The following EFCAB11 variants were observed in gnomAD, a reference collection of about 807,000 sequenced individuals.
The protein encoded by EFCAB11 is EF-hand calcium-binding domain-containing protein 11.
A neutral mutation model predicts 23.0 loss-of-function variants in EFCAB11; 14 were observed. The observed-to-expected ratio is 0.61, with a 90% CI of 0.40 to 0.95. EFCAB11 has a LOEUF of 0.95. Ranked by LOEUF, EFCAB11 falls within the 40% of genes least tolerant of loss-of-function variation. The pLI is 0.00. For synonymous variants in EFCAB11, 65 were observed against 66.6 expected (o/e 0.98, Z 0.11); for missense variants, 198 against 195.8 (o/e 1.01, Z -0.07).
chr14:89,909,519 T>C (rs556869819), intron 5 of EFCAB11, among the ~76,000 whole-genome samples: 18 of 152,038 alleles, frequency 1.2e-4, no homozygotes, highest in Non-Finnish European at 2.4e-4. Context: ...GGGCGGACGT[T>C]GCAGTGAGCT....
intron 5 of EFCAB11, chr14:89,923,778 G>C (rs1890094633): frequency 1.0e-6 from 1 of 985,246 alleles, no homozygotes; most frequent in Admixed American, 6.1e-5. Flanking sequence ...ACAAAATAAT[G>C]ACTGGAAATT....
chr14:89,798,872 C>T (rs188980939), intron 5 of EFCAB11, among the ~76,000 whole-genome samples: 10 of 152,284 alleles, frequency 6.6e-5, no homozygotes, highest in South Asian at 2.1e-4. Flanking sequence ...CTGCGACCTC[C>T]GCCTCTCCGG....
At chr14:89,852,880 C>T (rs2140141085) in intron 5 of EFCAB11, among the ~76,000 whole-genome samples, 1 of 152,314 alleles carries the variant, frequency 6.6e-6, no homozygotes, top group Non-Finnish European at 1.5e-5. Context: ...CAGAACTCTC[C>T]TCATCTTGGA....
At position 89,863,456 on chromosome 14, in the gene EFCAB11, C is replaced by T. The variant is rs535397020; in HGVS notation, c.411-66132G>A. ...TCCCTTTCCTTGCCAACATCTGAGC[C>T]TCTCCCATCCTCTGCAGGCTTTCTC... On this transcript the variant is annotated intron_variant, in intron 5 of 5. Coordinates refer to ENST00000316738, the MANE Select transcript of EFCAB11 (RefSeq NM_145231.4). Among the ~76,000 whole-genome samples the T allele has an allele frequency of 4.6e-5, 7 of 152,360 alleles. No individual in the cohort carries two copies. The South Asian group carries it at 1.4e-3, about 32-fold the overall frequency.
chr14:89,886,985 T>G (rs1445322284), intron 5 of EFCAB11, among the ~76,000 whole-genome samples: 1 of 152,224 alleles, frequency 6.6e-6, no homozygotes, highest in Non-Finnish European at 1.5e-5. Context: ...TCTTATAGAT[T>G]TGAATTAACA....
intron 2 of EFCAB11, among the ~76,000 whole-genome samples, chr14:89,950,565 CAAA>C (rs1347746920): frequency 6.6e-6 from 1 of 151,928 alleles, no homozygotes; most frequent in African/African-American, 2.4e-5. Context: ...ATGAAAAATA[CAAA>C]AAATTATGAA....
intron 5 of EFCAB11, among the ~76,000 whole-genome samples, chr14:89,865,574 T>G (rs182314258): frequency 6.6e-6 from 1 of 152,068 alleles, no homozygotes; most frequent in East Asian, 1.9e-4. Context: ...CAATCACGGC[T>G]CACTGCAGCG....
intron 5 of EFCAB11, among the ~76,000 whole-genome samples, chr14:89,917,598 C>T (rs1247350679): frequency 1.3e-5 from 2 of 152,124 alleles, no homozygotes; most frequent in African/African-American, 4.8e-5. Flanking sequence ...CAGTCTACTC[C>T]ATCATTATCA....
rs140459876 is a variant in EFCAB11 at position 89,893,972 on chromosome 14, A to G, written c.410+37569T>C. ...AAGCATATAGTGAAATTTAATGCCAATTCTTGATTTTTTTTTTCTTTTTTT... is the reference window on the plus strand; with the variant it reads ...AAGCATATAGTGAAATTTAATGCCAGTTCTTGATTTTTTTTTTCTTTTTTT... On this transcript the variant is annotated intron_variant, in intron 5 of 5. Coordinates refer to ENST00000316738, the MANE Select transcript of EFCAB11 (RefSeq NM_145231.4). Among the ~76,000 whole-genome samples, 369 of 152,226 alleles carry G rather than the reference A, an allele frequency of 2.4e-3. 1 individual carries two copies. The highest frequency in any genetic ancestry group is 8.7e-3 in the African/African-American group (361 of 41,554).
chr14:89,935,397 GT>G (rs60594341), intron 3 of EFCAB11, among the ~76,000 whole-genome samples: 35,403 of 135,634 alleles, frequency 0.26, 6,963 homozygotes, highest in African/African-American at 0.56. Flanking sequence ...ATGCATGTGG[GT>G]TTTTTTTTTT....
chr14:89,889,147 C>T (rs1405578429), intron 5 of EFCAB11, among the ~76,000 whole-genome samples: 1 of 152,142 alleles, frequency 6.6e-6, no homozygotes, highest in Non-Finnish European at 1.5e-5. Context: ...TGAAACAACA[C>T]TGAAGATTAA....
chr14:89,916,160 A>G lies in EFCAB11; in HGVS notation c.410+15381T>C, dbSNP rs527513318. The stretch of plus-strand genomic sequence containing the variant: ...TTTTCTAGGGAGAATGGCTCAGAAA[A>G]AAAAAAAAGAAAAAAAGAAAAAAAC... On this transcript the variant is annotated intron_variant, in intron 5 of 5. Transcript: ENST00000316738. Among the ~76,000 whole-genome samples the G allele has an allele frequency of 1.9e-4, 29 of 152,008 alleles. No individual in the cohort carries two copies. The South Asian group carries it at 5.8e-3, about 30-fold the overall frequency.
Position 89,936,644 on chromosome 14 carries a change from C to T in EFCAB11, c.218-4017G>A, listed in dbSNP as rs79732134. 9.2e-5 allele frequency among the ~76,000 whole-genome samples: 14 copies of T among 152,280 alleles called. No individual in the cohort carries two copies. In the East Asian group the frequency reaches 9.6e-4, roughly 10 times the overall value. Reference sequence around the variant, plus strand: ...GCCTTTAATTGTCTTAATCTTCTAACGCAACATTTATCCAAATACAAGACC... The same window carrying T: ...GCCTTTAATTGTCTTAATCTTCTAATGCAACATTTATCCAAATACAAGACC... On this transcript the variant is annotated intron_variant, in intron 3 of 5. Coordinates refer to ENST00000316738, the MANE Select transcript of EFCAB11 (RefSeq NM_145231.4).
intron 5 of EFCAB11, among the ~76,000 whole-genome samples, chr14:89,822,130 T>C (rs573351967): frequency 1.3e-5 from 2 of 152,326 alleles, no homozygotes; most frequent in South Asian, 2.1e-4. Context: ...ACCGAATCTA[T>C]TGTTAAAACA....
At chr14:89,867,358 C>G (rs1391931432) in intron 5 of EFCAB11, among the ~76,000 whole-genome samples, 1 of 152,202 alleles carries the variant, frequency 6.6e-6, no homozygotes, top group Non-Finnish European at 1.5e-5. Context: ...TGGTCCTCCC[C>G]AAACCTCACC....
At chr14:89,899,670 G>A (rs1451007834) in intron 5 of EFCAB11, among the ~76,000 whole-genome samples, 1 of 152,112 alleles carries the variant, frequency 6.6e-6, no homozygotes, top group African/African-American at 2.4e-5. Flanking sequence ...TTTTATGTGG[G>A]CCAATACATA....
At chr14:89,939,322 G>C (rs1235579717) in intron 3 of EFCAB11, among the ~76,000 whole-genome samples, 2 of 152,176 alleles carry the variant, frequency 1.3e-5, no homozygotes, top group African/African-American at 4.8e-5. Context: ...TCTGTTAATG[G>C]GAGGACTGCA....
intron 5 of EFCAB11, among the ~76,000 whole-genome samples, chr14:89,842,611 TGA>T (rs1887304438): frequency 6.7e-6 from 1 of 149,286 alleles, no homozygotes; most frequent in Non-Finnish European, 1.5e-5. Context: ...TGATATGATA[TGA>T]TATGATATGA....
intron 2 of EFCAB11, 31 bp downstream of exon 2, chr14:89,953,875 C>T (rs774307152): frequency 9.6e-5 from 152 of 1,576,582 alleles, no homozygotes; most frequent in Non-Finnish European, 1.2e-4. Flanking sequence ...TGATCGTCTA[C>T]CCCATCCCCA....
Sources: allele counts gnomAD v4.1 joint callset (sites outside exome capture counted in the v4.1 genomes callset), GRCh38; gene constraint gnomAD v4.1.1; transcripts MANE v1.5; gene names NCBI Gene and HGNC (gene_info 2026-07-23, HGNC 2026-07-21).